Variants in EFHC1 observed in about 807,000 individuals in gnomAD.
The protein encoded by EFHC1 is EF-hand domain-containing protein 1.
EFHC1 carries 53 observed loss-of-function variants against 69.9 expected under a neutral mutation model. The observed-to-expected ratio is 0.76, with a 90% CI of 0.61 to 0.95. The LOEUF is 0.95. EFHC1 is among the 40% of genes least tolerant of loss of function. The probability of loss-of-function intolerance (pLI) is 0.00; values close to 1 mark genes in which losing one functional copy is unlikely to be tolerated. For synonymous variants in EFHC1, 256 were observed against 278.4 expected (o/e 0.92, Z 0.80); for missense variants, 739 against 798.7 (o/e 0.93, Z 0.90).
chr6:52,487,396 T>C (rs1765808458), intron 9 of EFHC1: 2 of 152,214 alleles, frequency 1.3e-5, no homozygotes, highest in Admixed American at 1.3e-4. Flanking sequence ...AGGTTGGCAT[T>C]TCTCAAGGTC....
intron 2 of EFHC1, among the ~76,000 whole-genome samples, chr6:52,431,859 T>A (rs957972352): frequency 2.0e-5 from 3 of 152,170 alleles, no homozygotes; most frequent in African/African-American, 7.2e-5. Flanking sequence ...TTAGTAATTG[T>A]TTTATAAATT....
intron 2 of EFHC1, among the ~76,000 whole-genome samples, chr6:52,427,270 A>C (rs1236456179): frequency 6.6e-6 from 1 of 152,166 alleles, no homozygotes; most frequent in Non-Finnish European, 1.5e-5. Context: ...GGTTCCTCAC[A>C]GCCCTACTGG....
intron 9 of EFHC1, among the ~76,000 whole-genome samples, chr6:52,489,791 G>A (rs1765857923): frequency 6.6e-6 from 1 of 152,158 alleles, no homozygotes; most frequent in Non-Finnish European, 1.5e-5. Context: ...TGTAGATGAG[G>A]AAACATTAAT....
At chr6:52,439,469 T>C (rs956031909) in intron 3 of EFHC1, among the ~76,000 whole-genome samples, 2 of 152,172 alleles carry the variant, frequency 1.3e-5, no homozygotes, top group African/African-American at 2.4e-5. Context: ...AGGAAGGTAC[T>C]TGATATTTTT....
chr6:52,490,501 C>T (rs768103318), intron 10 of EFHC1, 151 bp downstream of exon 10: 47 of 680,260 alleles, frequency 6.9e-5, no homozygotes, highest in Non-Finnish European at 1.1e-4. Context: ...AGGTATTGCC[C>T]GTTGATTCTA....
At chr6:52,475,444 T>C (rs1450426198) in intron 7 of EFHC1, among the ~76,000 whole-genome samples, 2 of 152,170 alleles carry the variant, frequency 1.3e-5, no homozygotes, top group African/African-American at 4.8e-5. Context: ...AGTAAAAATA[T>C]GCTGGTAAAC....
rs139885895 is a variant in EFHC1, at chr6:52,437,968, C to T, written c.286-336C>T. On this transcript the variant is annotated intron_variant, in intron 2 of 10. Transcript: ENST00000371068. ...GGGAGAGCAGCTGTTAACAAAAAAG[C>T]GTAAATTATTTACATAATTATTTGT... Among the ~76,000 whole-genome samples, 460 of 152,040 alleles carry T rather than the reference C, an allele frequency of 3.0e-3. 2 individuals carry two copies. Among genetic ancestry groups the T allele is most frequent in the African/African-American group, 9.5e-3 (394 of 41,478 alleles).
rs1765628176 is a variant in EFHC1, at chr6:52,479,660, A to C, written c.1513A>C (p.Ile505Leu). Reference protein sequence around the residue: ...VIEVFGHRFIILDTDEYVLKY... With the variant: ...VIEVFGHRFILLDTDEYVLKY... The stretch of plus-strand genomic sequence containing the variant: ...TCCAGTGTTTGGTCACCGGTTCATC[A>C]TCCTTGATACAGACGAGTATGTTTT... The change falls in exon 9 of 11, where the codon ATC becomes CTC. Residue 505 changes from isoleucine (I) to leucine (L), a missense_variant. Transcript: ENST00000371068. 6.2e-7 allele frequency: 1 copy of C among 1,614,082 alleles called. No homozygotes were observed. Among genetic ancestry groups the C allele is most frequent in the Admixed American group, 1.7e-5 (1 of 60,004 alleles).
intron 9 of EFHC1, chr6:52,487,304 T>C (rs1172558490): frequency 2.0e-5 from 3 of 150,000 alleles, no homozygotes; most frequent in African/African-American, 7.6e-5. Context: ...AAATCCTCTC[T>C]TGAGTTCTGG....
Position 52,493,288 on chromosome 6 carries a change from C to T in EFHC1, c.*947C>T, listed in dbSNP as rs1765951875. 1 of 450,340 alleles carries T rather than the reference C, an allele frequency of 2.2e-6. No homozygotes were observed. The highest frequency in any genetic ancestry group is 2.0e-5 in the African/African-American group (1 of 48,918). The allele number at this position is 450,340 out of a possible 1,614,324, so 27.9% of individuals were successfully genotyped here. A position where few individuals can be genotyped will look rare whatever the true frequency, so the allele number is the denominator to read the frequency against. ...CCTGGGTCTCCAGCTTGCCAATTTA[C>T]CCTGCAGATCTTGGGACTTGTAAGC... is the stretch of plus-strand genomic sequence containing the variant. On this transcript the variant is annotated 3_prime_UTR_variant, in exon 11 of 11. Transcript: ENST00000371068.
chr6:52,480,570 G>GTA (rs776272624), intron 9 of EFHC1, among the ~76,000 whole-genome samples: 3 of 152,172 alleles, frequency 2.0e-5, no homozygotes, highest in Non-Finnish European at 4.4e-5. Flanking sequence ...GATGAATGCT[G>GTA]TAAAAATTGG....
chr6:52,473,626 C>A (rs1210592893), intron 7 of EFHC1, among the ~76,000 whole-genome samples: 5 of 151,892 alleles, frequency 3.3e-5, no homozygotes, highest in Non-Finnish European at 7.4e-5. Flanking sequence ...ACTAAAAATA[C>A]AAAAAATTAG....
chr6:52,459,765 C>T (rs943578920), intron 5 of EFHC1, among the ~76,000 whole-genome samples: 1 of 152,210 alleles, frequency 6.6e-6, no homozygotes, highest in Non-Finnish European at 1.5e-5. Flanking sequence ...AGCTCCGCCT[C>T]CCAGGTTCAC....
intron 4 of EFHC1, 169 bp from the exon 5 acceptor site, chr6:52,453,926 G>A: frequency 2.0e-6 from 3 of 1,485,200 alleles, no homozygotes; most frequent in Non-Finnish European, 2.7e-6. Flanking sequence ...AATTTCAGAT[G>A]TTTTAGTATG....
chr6:52,430,289 G>A (rs1457707609), intron 2 of EFHC1: 1 of 152,396 alleles, frequency 6.6e-6, no homozygotes, highest in Admixed American at 6.6e-5. Context: ...TGTTGTCCCA[G>A]TTCTCAGAGG....
In EFHC1 at chr6:52,494,907, G is replaced by C; in HGVS notation, c.*2566G>C. Reference sequence around the variant, plus strand: ...TTTTATGGCTGCGTAGTATTCCATGGTGTAGATATACTTCATTTAAAAAAT... The same window carrying C: ...TTTTATGGCTGCGTAGTATTCCATGCTGTAGATATACTTCATTTAAAAAAT... On this transcript the variant is annotated 3_prime_UTR_variant, in exon 11 of 11. Coordinates refer to ENST00000371068, the MANE Select transcript of EFHC1 (RefSeq NM_018100.4). 2.2e-6 allele frequency: 1 copy of C among 451,864 alleles called. No homozygotes were observed. The allele number at this position is 451,864 out of a possible 1,614,324, so 28.0% of individuals were successfully genotyped here.
At chr6:52,483,783 C>G (rs373927560) in intron 9 of EFHC1, 4 of 152,190 alleles carry the variant, frequency 2.6e-5, no homozygotes, top group African/African-American at 9.6e-5. Context: ...CAGAATGATT[C>G]ATTATGTCAG....
chr6:52,433,448 T>A (rs1205301403), intron 2 of EFHC1, among the ~76,000 whole-genome samples: 1 of 152,206 alleles, frequency 6.6e-6, no homozygotes, highest in Non-Finnish European at 1.5e-5. Flanking sequence ...TTATCTCTCT[T>A]CTGGATCTAG....
chr6:52,485,927 C>T (rs752731125), intron 9 of EFHC1: 2 of 152,214 alleles, frequency 1.3e-5, no homozygotes, highest in African/African-American at 2.4e-5. Context: ...TTGCCATCCT[C>T]ATTTTGATCC....
Sources: gnomAD v4.1 joint callset for allele counts (sites outside exome capture counted in the v4.1 genomes callset) on GRCh38, gnomAD v4.1.1 for gene constraint, MANE v1.5 for transcripts, NCBI Gene and HGNC (gene_info 2026-07-23, HGNC 2026-07-21) for gene names.